VAV2: variants seen among roughly 807,000 people sequenced by gnomAD.
VAV2 encodes the protein vav guanine nucleotide exchange factor 2.
In VAV2, 67 loss-of-function variants were observed where a neutral mutation model predicts 132.5. The observed-to-expected ratio is 0.51, with a 90% confidence interval of 0.42 to 0.62. VAV2 has a LOEUF of 0.62. Among genes scored for constraint, VAV2 ranks in the 20% least tolerant of loss-of-function variants. The pLI is 0.00. For synonymous variants in VAV2, 492 were observed against 443.5 expected (o/e 1.11, Z -1.37); for missense variants, 938 against 1,153.6 (o/e 0.81, Z 2.71).
At chr9:133,954,750 G>T (rs1339567942) in intron 1 of VAV2, among the ~76,000 whole-genome samples, 1 of 150,960 alleles carries the variant, frequency 6.6e-6, no homozygotes, top group African/African-American at 2.5e-5. Flanking sequence ...GGGTGTACAG[G>T]CGTGCATGTG....
intron 3 of VAV2, among the ~76,000 whole-genome samples, chr9:133,837,338 T>C (rs917122007): frequency 2.0e-5 from 3 of 152,226 alleles, no homozygotes; most frequent in Non-Finnish European, 4.4e-5. Context: ...ATGATGATTT[T>C]GGAATCTTGT....
rs1842257092 is a variant in VAV2 at position 133,969,518 on chromosome 9, G to A, written c.204+22557C>T. Among the ~76,000 whole-genome samples, 1 of 151,738 alleles carries A rather than the reference G, an allele frequency of 6.6e-6. No individual in the cohort carries two copies. Among genetic ancestry groups the A allele is most frequent in the South Asian group, 2.1e-4 (1 of 4,790 alleles). ...CTGAGGCCAACCAGGGAACCTCAGG[G>A]GTGGAGCTGAAACACCCCAACCCTG... On this transcript the variant is annotated intron_variant, in intron 1 of 29. Transcript: ENST00000371850. The surrounding 1 kb of genome is among the most constrained non-coding windows in gnomAD (Gnocchi z 5.1).
At chr9:133,858,155 C>T (rs933815948) in intron 3 of VAV2, among the ~76,000 whole-genome samples, 1 of 152,180 alleles carries the variant, frequency 6.6e-6, no homozygotes, top group Non-Finnish European at 1.5e-5. Flanking sequence ...ATAGGCCCTC[C>T]GGATAAGAGC....
Position 133,834,439 on chromosome 9 carries a change from C to A in VAV2, c.381-99G>T. The A allele has an allele frequency of 1.6e-6, 2 of 1,277,510 alleles. No individual in the cohort carries two copies. The highest frequency in any genetic ancestry group is 2.2e-6 in the Non-Finnish European group (2 of 912,172). 79.1% of individuals were successfully genotyped at this position (1,277,510 alleles called of 1,614,324 possible). On this transcript the variant is annotated intron_variant, in intron 3 of 29. Coordinates refer to ENST00000371850, the MANE Select transcript of VAV2 (RefSeq NM_001134398.2). This position sits in a 1 kb window ranked among gnomAD's most constrained non-coding sequence, Gnocchi z 5.9. ...ACAGCAGAGCCCAGTGTGGCCCAGC[C>A]AGGAGCAAAGGGGCTCTTGTCCACT...
At chr9:133,943,918 C>G (rs540478351) in intron 1 of VAV2, among the ~76,000 whole-genome samples, 1 of 152,258 alleles carries the variant, frequency 6.6e-6, no homozygotes, top group South Asian at 2.1e-4. Context: ...CCCAGTCGCC[C>G]ACCTCCCCAG....
At chr9:133,905,645 C>T (rs1839622811) in intron 2 of VAV2, among the ~76,000 whole-genome samples, 1 of 152,152 alleles carries the variant, frequency 6.6e-6, no homozygotes, top group African/African-American at 2.4e-5. Flanking sequence ...CCCTCAGGGC[C>T]CTGTGACATC....
rs71380264 is a variant in VAV2, at chr9:133,937,539, A to AGTGTGT, written c.321+1558_321+1563dup. Among the ~76,000 whole-genome samples the AGTGTGT allele has an allele frequency of 1.9e-4, 29 of 148,748 alleles. No individual in the cohort carries two copies. The South Asian group carries it at 4.9e-3, about 25-fold the overall frequency. On this transcript the variant is annotated intron_variant, in intron 2 of 29. Transcript: ENST00000371850. ...GTGCGCGTGTGAGAGTGTGTGTGAGAGTGTGTGTGTGTGTGTGTGTTCTGA... is the reference window on the plus strand; with the variant it reads ...GTGCGCGTGTGAGAGTGTGTGTGAGAGTGTGTGTGTGTGTGTGTGTGTGTGTTCTGA...
intron 1 of VAV2, among the ~76,000 whole-genome samples, chr9:133,943,409 A>G (rs1841243401): frequency 6.6e-6 from 1 of 152,200 alleles, no homozygotes; most frequent in Admixed American, 6.5e-5. Flanking sequence ...TCCCCTGTCC[A>G]CGCCCAAGCT....
rs538632769 is a variant in VAV2, at chr9:133,782,766, T to C, written c.1723+737A>G. Among the ~76,000 whole-genome samples the C allele has an allele frequency of 3.6e-4, 55 of 152,230 alleles. 2 individuals carry two copies. In the South Asian group the frequency reaches 9.6e-3, roughly 26 times the overall value. ...ATAAGTGTAGACAAATTGCTGAAAG[T>C]TTCAAGCCTCAGTTTCTGGGGCTGA... On this transcript the variant is annotated intron_variant, in intron 19 of 29. Coordinates refer to ENST00000371850, the MANE Select transcript of VAV2 (RefSeq NM_001134398.2).
chr9:133,946,756 C>T (rs1415045264), intron 1 of VAV2, among the ~76,000 whole-genome samples: 1 of 152,170 alleles, frequency 6.6e-6, no homozygotes, highest in Non-Finnish European at 1.5e-5. Context: ...TTTATTTATG[C>T]CATGCTCATT....
rs1199084929 is a variant in VAV2, at chr9:133,834,389, G to A, written c.381-49C>T. 1 of 1,585,794 alleles carries A rather than the reference G, an allele frequency of 6.3e-7. No individual in the cohort carries two copies. The highest frequency in any genetic ancestry group is 8.6e-7 in the Non-Finnish European group (1 of 1,163,416). ...AGGTGAGCAGGTCCCGGCACTGCCGGCCAGTGGGACCCCAGCTGGACCCCA... is the reference window on the plus strand; with the variant it reads ...AGGTGAGCAGGTCCCGGCACTGCCGACCAGTGGGACCCCAGCTGGACCCCA... On this transcript the variant is annotated intron_variant, in intron 3 of 29. Coordinates refer to ENST00000371850, the MANE Select transcript of VAV2 (RefSeq NM_001134398.2). The surrounding 1 kb of genome is among the most constrained non-coding windows in gnomAD (Gnocchi z 5.9).
At chr9:133,864,772 A>T (rs541349890) in intron 2 of VAV2, among the ~76,000 whole-genome samples, 15 of 152,338 alleles carry the variant, frequency 9.8e-5, no homozygotes, top group African/African-American at 3.6e-4. Context: ...GGAAGCCAGG[A>T]GCACGTCCCA....
At chr9:133,950,943 C>G (rs3780786) in intron 1 of VAV2, among the ~76,000 whole-genome samples, 9,275 of 152,198 alleles carry the variant, frequency 0.061, 849 homozygotes, top group African/African-American at 0.2. Context: ...AAGCAGAGGG[C>G]GCGATTCTTC....
chr9:133,812,332 C>G, intron 4 of VAV2, 116 bp from the exon 5 acceptor site: 1 of 901,662 alleles, frequency 1.1e-6, no homozygotes, highest in Non-Finnish European at 1.7e-6. Context: ...AGCGAGGTCA[C>G]CTGCCCGGGC....
chr9:133,792,683 C>CCCCCCCCCA (rs1491509745), intron 12 of VAV2, among the ~76,000 whole-genome samples: 5 of 127,868 alleles, frequency 3.9e-5, no homozygotes, highest in African/African-American at 1.5e-4. Context: ...AAGGGACCCC[C>CCCCCCCCCA]CCCCCCACCC....
At chr9:133,862,943 T>A (rs547240024) in intron 2 of VAV2, among the ~76,000 whole-genome samples, 197 of 152,284 alleles carry the variant, frequency 1.3e-3, no homozygotes, top group African/African-American at 4.5e-3. Flanking sequence ...TTCCTGTACG[T>A]GCTCGTGATT....
rs1588177622 is a variant in VAV2, at chr9:133,961,815, AGTGGCCCCTC to A, written c.205-22606_205-22597del. The stretch of plus-strand genomic sequence containing the variant: ...TACACCAGGGAGCCCACAGGAGCAG[AGTGGCCCCTC>A]GTTCTGGTGGCCACGCAGGCCTAGG... On this transcript the variant is annotated intron_variant, in intron 1 of 29. Coordinates refer to ENST00000371850, the MANE Select transcript of VAV2 (RefSeq NM_001134398.2). This position sits in a 1 kb window ranked among gnomAD's most constrained non-coding sequence, Gnocchi z 4.1. 6.6e-6 allele frequency among the ~76,000 whole-genome samples: 1 copy of A among 152,160 alleles called. No individual in the cohort carries two copies. The highest frequency in any genetic ancestry group is 6.5e-5 in the Admixed American group (1 of 15,288).
chr9:133,825,663 T>C (rs1314916170), intron 4 of VAV2, among the ~76,000 whole-genome samples: 1 of 151,596 alleles, frequency 6.6e-6, no homozygotes, highest in Non-Finnish European at 1.5e-5. Flanking sequence ...CTGGGAGAGG[T>C]GGGCAGGGTG....
chr9:133,830,836 C>T (rs1836235020), intron 4 of VAV2, among the ~76,000 whole-genome samples: 1 of 151,974 alleles, frequency 6.6e-6, no homozygotes, highest in Admixed American at 6.6e-5. Context: ...TCTTGCCTTT[C>T]AGTGAAAGGA....
Sources: gnomAD v4.1 joint callset for allele counts (sites outside exome capture counted in the v4.1 genomes callset) on GRCh38, gnomAD v4.1.1 for gene constraint, Gnocchi (gnomAD v3.1) non-coding constraint, MANE v1.5 for transcripts, NCBI Gene and HGNC (gene_info 2026-07-23, HGNC 2026-07-21) for gene names.